GNA13: variants seen among roughly 807,000 people sequenced by gnomAD.
GNA13 encodes G protein subunit alpha 13, also known as guanine nucleotide-binding protein subunit alpha-13.
Under a neutral mutation model 33.5 loss-of-function variants are expected in GNA13, and 4 were observed. The observed-to-expected ratio is 0.12, with a 90% CI of 0.06 to 0.27. GNA13 has a LOEUF of 0.27. Among genes scored for constraint, GNA13 ranks in the 10% least tolerant of loss-of-function variants. The pLI is 1.00. For synonymous variants in GNA13, 176 were observed against 183.8 expected (o/e 0.96, Z 0.34); for missense variants, 319 against 487.2 (o/e 0.65, Z 3.25).
Position 65,056,600 on chromosome 17 carries a change from G to T in GNA13, c.-7C>A. 1.9e-6 allele frequency: 3 copies of T among 1,572,254 alleles called. No individual in the cohort carries two copies. Among genetic ancestry groups the T allele is most frequent in the Non-Finnish European group, 2.6e-6 (3 of 1,160,524 alleles). ...ACGGCAGGAAGTCCGCCATCTTGCCGCCGCCGCCGCCGCCTCGGCGGGCCC... is the reference window on the plus strand; with the variant it reads ...ACGGCAGGAAGTCCGCCATCTTGCCTCCGCCGCCGCCGCCTCGGCGGGCCC... On this transcript the variant is annotated 5_prime_UTR_variant, in exon 1 of 4. Transcript: ENST00000439174.
At chr17:65,043,501 G>C (rs1324665039) in intron 2 of GNA13, among the ~76,000 whole-genome samples, 3 of 152,000 alleles carry the variant, frequency 2.0e-5, no homozygotes, top group Non-Finnish European at 4.4e-5. Flanking sequence ...TGCCCAGGCT[G>C]GTCTCAAACT....
In GNA13 at chr17:65,011,678, G is replaced by A. The variant is rs911238680; in HGVS notation, c.*2579C>T. 2.2e-5 allele frequency: 5 copies of A among 226,142 alleles called. No homozygotes were observed. The highest frequency in any genetic ancestry group is 4.4e-5 in the Non-Finnish European group (5 of 113,560). 14.0% of individuals were successfully genotyped at this position (226,142 alleles called of 1,614,324 possible). A position where few individuals can be genotyped will look rare whatever the true frequency, so the allele number is the denominator to read the frequency against. On this transcript the variant is annotated 3_prime_UTR_variant, in exon 4 of 4. Coordinates refer to ENST00000439174, the MANE Select transcript of GNA13 (RefSeq NM_006572.6). ...GATTTAAGAACAGAATGTAACACAG[G>A]ATTAGGCACATTTTATTCCAAATCA... is the stretch of plus-strand genomic sequence containing the variant.
chr17:65,026,915 A>G (rs185121748), intron 2 of GNA13, among the ~76,000 whole-genome samples: 3 of 152,214 alleles, frequency 2.0e-5, no homozygotes, highest in Non-Finnish European at 4.4e-5. Context: ...AGTAGCTGGG[A>G]TTACAAGCAT....
chr17:65,049,820 G>A (rs922535668), intron 2 of GNA13, among the ~76,000 whole-genome samples: 1 of 152,198 alleles, frequency 6.6e-6, no homozygotes, highest in African/African-American at 2.4e-5. Context: ...CTGAGCATCT[G>A]CTTGTTTGTT....
At chr17:65,037,777 G>GAAAAAAAAAAAAAAACAAAAA (rs145051963) in intron 2 of GNA13, among the ~76,000 whole-genome samples, 1 of 82,042 alleles carries the variant, frequency 1.2e-5, no homozygotes, top group Non-Finnish European at 2.1e-5. Context: ...CTACAAAAAT[G>GAAAAAAAAAAAAAAACAAAAA]GAAAAAAAAA....
At chr17:65,028,467 C>A (rs1413612580) in intron 2 of GNA13, among the ~76,000 whole-genome samples, 2 of 148,470 alleles carry the variant, frequency 1.3e-5, no homozygotes, top group South Asian at 2.1e-4. Context: ...AAAAAAAAAA[C>A]CCACTTCACA....
chr17:65,048,259 C>T (rs180779114), intron 2 of GNA13, among the ~76,000 whole-genome samples: 28 of 152,252 alleles, frequency 1.8e-4, no homozygotes, highest in Non-Finnish European at 3.1e-4. Context: ...GGAAATGACT[C>T]CTAGCCATTT....
chr17:65,020,225 T>G, intron 2 of GNA13, among the ~76,000 whole-genome samples: 1 of 152,228 alleles, frequency 6.6e-6, no homozygotes. Context: ...ATTTCAGAAG[T>G]GATCAAAGTC....
intron 2 of GNA13, among the ~76,000 whole-genome samples, chr17:65,019,956 T>C (rs1330174429): frequency 6.6e-6 from 1 of 152,216 alleles, no homozygotes; most frequent in Non-Finnish European, 1.5e-5. Flanking sequence ...ATGAATCTAT[T>C]ATGTGCCCAC....
intron 2 of GNA13, among the ~76,000 whole-genome samples, chr17:65,022,527 T>C (rs2143780449): frequency 6.6e-6 from 1 of 152,332 alleles, no homozygotes; most frequent in South Asian, 2.1e-4. Context: ...AAGCATTATT[T>C]ATTATGCAAT....
At chr17:65,015,052 C>T (rs557048533) in intron 3 of GNA13, among the ~76,000 whole-genome samples, 4 of 151,424 alleles carry the variant, frequency 2.6e-5, no homozygotes, top group Admixed American at 6.6e-5. Context: ...GGATCGCTTG[C>T]GAAGCCAGGA....
At chr17:65,028,162 CT>C (rs1209695199) in intron 2 of GNA13, among the ~76,000 whole-genome samples, 1 of 152,080 alleles carries the variant, frequency 6.6e-6, no homozygotes, top group Non-Finnish European at 1.5e-5. Context: ...GGAGGCGGAG[CT>C]TGCAGTGAGC....
chr17:65,017,519 T>A (rs1906410580), intron 3 of GNA13, among the ~76,000 whole-genome samples: 1 of 152,172 alleles, frequency 6.6e-6, no homozygotes, highest in Non-Finnish European at 1.5e-5. Context: ...GAAACCTTTC[T>A]CCCACTGAAC....
intron 2 of GNA13, among the ~76,000 whole-genome samples, chr17:65,032,419 C>T (rs1029730000): frequency 2.6e-5 from 4 of 152,122 alleles, no homozygotes; most frequent in Admixed American, 2.0e-4. Flanking sequence ...ACAGTAAATA[C>T]AAAACCAGGC....
At chr17:65,022,015 A>T (rs1431184930) in intron 2 of GNA13, among the ~76,000 whole-genome samples, 1 of 152,312 alleles carries the variant, frequency 6.6e-6, no homozygotes, top group Non-Finnish European at 1.5e-5. Flanking sequence ...TGCTCCTTAT[A>T]TTTAACTAGA....
intron 3 of GNA13, among the ~76,000 whole-genome samples, chr17:65,017,092 C>T (rs1291499847): frequency 6.6e-6 from 1 of 151,952 alleles, no homozygotes; most frequent in Admixed American, 6.6e-5. Context: ...ACGATTATGA[C>T]GTTAAAGGTT....
intron 2 of GNA13, among the ~76,000 whole-genome samples, chr17:65,042,571 T>C (rs1345206733): frequency 6.6e-6 from 1 of 151,738 alleles, no homozygotes; most frequent in Non-Finnish European, 1.5e-5. Context: ...ACCCCATCTC[T>C]ACCAAAAATA....
intron 2 of GNA13, among the ~76,000 whole-genome samples, chr17:65,044,575 A>G (rs1184488509): frequency 6.6e-6 from 1 of 151,332 alleles, no homozygotes; most frequent in African/African-American, 2.4e-5. Flanking sequence ...CCAAGGTGGG[A>G]GAATTAATCG....
Position 65,013,852 on chromosome 17 carries a change from G to A in GNA13, c.*405C>T, listed in dbSNP as rs1024855757. 7.2e-5 allele frequency: 17 copies of A among 234,900 alleles called. No individual in the cohort carries two copies. Among genetic ancestry groups the A allele is most frequent in the African/African-American group, 3.1e-4 (14 of 44,960 alleles). 14.6% of individuals were successfully genotyped at this position (234,900 alleles called of 1,614,324 possible). A position where few individuals can be genotyped will look rare whatever the true frequency, so the allele number is the denominator to read the frequency against. ...GTCACTGCTATATGTAAGGCGGACA[G>A]AAGATATCTTGTTTTGGAACTGAAT... On this transcript the variant is annotated 3_prime_UTR_variant, in exon 4 of 4. Transcript: ENST00000439174.
Sources: gnomAD v4.1 joint callset for allele counts (sites outside exome capture counted in the v4.1 genomes callset) on GRCh38, gnomAD v4.1.1 for gene constraint, MANE v1.5 for transcripts, NCBI Gene and HGNC (gene_info 2026-07-23, HGNC 2026-07-21) for gene names.